Variants in PRKX observed in about 807,000 individuals in gnomAD.
PRKX encodes cAMP-dependent protein kinase catalytic subunit PRKX.
A neutral mutation model predicts 22.0 loss-of-function variants in PRKX; 12 were observed. The ratio of observed to expected loss-of-function variants is 0.54; its 90% CI spans 0.35 to 0.88. The LOEUF (loss-of-function observed/expected upper bound fraction) is 0.88. Among genes scored for constraint, PRKX ranks in the 40% least tolerant of loss-of-function variants. The pLI is 0.01. For synonymous variants in PRKX, 134 were observed against 137.7 expected, an observed-to-expected ratio of 0.97 and a Z score of 0.19; for missense variants, 217 against 308.0, an observed-to-expected ratio of 0.70 and a Z score of 2.21.
At chrX:3,630,369 G>T (rs1202459414) in intron 4 of PRKX, among the ~76,000 whole-genome samples, 3 of 110,993 alleles carry the variant, frequency 2.7e-5, no homozygotes, top group African/African-American at 9.8e-5. Context: ...GACCATCCTG[G>T]CTAACACAGT....
At chrX:3,710,810 C>A (rs767281662) in intron 1 of PRKX, among the ~76,000 whole-genome samples, 1 of 111,529 alleles carries the variant, frequency 9.0e-6, no homozygotes, top group South Asian at 3.7e-4. Context: ...GGAATGAGGG[C>A]GAAAGAGCAC....
At position 3,647,111 on chromosome X, in the gene PRKX, C is replaced by T. The variant is rs187033245; in HGVS notation, c.600-5140G>A. Among the ~76,000 whole-genome samples the T allele has an allele frequency of 6.6e-3, 725 of 109,659 alleles. 8 individuals are homozygous for T. The highest frequency in any genetic ancestry group is 0.023 in the African/African-American group (689 of 30,221). Reference sequence around the variant, plus strand: ...CTGGTGTTATGAAATATATATAAAACGATTATGTATTTATAAATGTATATG... The same window carrying T: ...CTGGTGTTATGAAATATATATAAAATGATTATGTATTTATAAATGTATATG... On this transcript the variant is annotated intron_variant, in intron 3 of 8. Transcript: ENST00000262848.
At chrX:3,677,338 T>C (rs1927983057) in intron 1 of PRKX, among the ~76,000 whole-genome samples, 1 of 105,297 alleles carries the variant, frequency 9.5e-6, no homozygotes, top group Admixed American at 1.0e-4. Flanking sequence ...TTTTTTTTTT[T>C]TTTTTTTTGA....
intron 1 of PRKX, among the ~76,000 whole-genome samples, chrX:3,683,478 G>C (rs6641843): frequency 0.13 from 14,283 of 109,439 alleles, 926 homozygotes; most frequent in East Asian, 0.36. Flanking sequence ...CCACAACGCA[G>C]AGCCGCCCCA....
intron 1 of PRKX, among the ~76,000 whole-genome samples, chrX:3,684,661 G>A (rs1188300508): frequency 1.8e-5 from 2 of 111,325 alleles, no homozygotes; most frequent in African/African-American, 6.5e-5. Context: ...TTCTCTCACA[G>A]TCCTGGAGGC....
intron 2 of PRKX, among the ~76,000 whole-genome samples, chrX:3,665,878 G>A (rs1381170526): frequency 9.4e-6 from 1 of 106,381 alleles, no homozygotes; most frequent in Non-Finnish European, 1.9e-5. Context: ...TGTTTCATGA[G>A]GACAGAGTTT....
chrX:3,618,609 A>C (rs1926488296), intron 6 of PRKX, among the ~76,000 whole-genome samples: 1 of 108,256 alleles, frequency 9.2e-6, no homozygotes, highest in Non-Finnish European at 1.9e-5. Context: ...TACCATTTTC[A>C]TGTGTTAATT....
intron 4 of PRKX, among the ~76,000 whole-genome samples, chrX:3,630,606 C>T (rs981899831): frequency 3.6e-5 from 4 of 111,732 alleles, no homozygotes; most frequent in Non-Finnish European, 3.8e-5. Flanking sequence ...CTCACAGTTC[C>T]GCATGGCTGG....
intron 8 of PRKX, chrX:3,610,983 T>C (rs1569228751): frequency 1.8e-5 from 2 of 111,770 alleles, no homozygotes; most frequent in Non-Finnish European, 3.8e-5. Flanking sequence ...CTGGATTTCA[T>C]GAGCGTTTAT....
chrX:3,678,030 G>A (rs1405280487), intron 1 of PRKX, among the ~76,000 whole-genome samples: 4 of 112,074 alleles, frequency 3.6e-5, no homozygotes, highest in Non-Finnish European at 7.5e-5. Context: ...CAGGAAGTGG[G>A]AGAAGGGCTT....
intron 4 of PRKX, among the ~76,000 whole-genome samples, chrX:3,630,550 A>T (rs988908679): frequency 1.8e-5 from 2 of 111,463 alleles, no homozygotes; most frequent in Non-Finnish European, 3.8e-5. Context: ...ACAGAGCAAG[A>T]CTCTGTCTCA....
At chrX:3,642,064 T>C in intron 3 of PRKX, 93 bp from the exon 4 acceptor site, 4 of 904,616 alleles carry the variant, frequency 4.4e-6, no homozygotes, top group South Asian at 4.5e-5. Context: ...AATAACTTCG[T>C]TGAGTAAAAC....
chrX:3,667,787 C>A (rs1927766209), intron 2 of PRKX: 2 of 111,004 alleles, frequency 1.8e-5, no homozygotes, highest in Admixed American at 9.8e-5. Context: ...CACCTCCTGG[C>A]TGAACTCAGA....
chrX:3,674,752 C>T lies in PRKX; in HGVS notation c.181G>A (p.Gly61Arg), dbSNP rs1232822524. Residue 61 changes from glycine (G) to arginine (R), a missense_variant, in exon 2 of 9, where the codon GGG becomes AGG. Coordinates refer to ENST00000262848, the MANE Select transcript of PRKX (RefSeq NM_005044.5). Reference protein sequence around the residue: ...TLATVGTGTFGRVHLVKEKTA... With the variant: ...TLATVGTGTFRRVHLVKEKTA... ...TTCTCCTTCACCAGGTGCACCCGCC[C>T]GAACGTCCCAGTGCCTGGAGAGAGA... The T allele has an allele frequency of 4.1e-6, 5 of 1,209,335 alleles. No homozygotes were observed. Among genetic ancestry groups the T allele is most frequent in the African/African-American group, 3.5e-5 (2 of 57,178 alleles).
Position 3,619,848 on chromosome X carries a change from C to T in PRKX, c.873+1411G>A, listed in dbSNP as rs1926518021. Among the ~76,000 whole-genome samples the T allele has an allele frequency of 2.7e-5, 3 of 111,360 alleles. No individual in the cohort carries two copies. In the Admixed American group the frequency reaches 2.9e-4, roughly 11 times the overall value. On this transcript the variant is annotated intron_variant, in intron 6 of 8. Transcript: ENST00000262848. ...GCCAAGTGGTTCAAGCCTCACACCC[C>T]GGTGTACTGTGTCTCTCCAGACTGT...
chrX:3,621,750 G>A (rs958694391), intron 5 of PRKX, among the ~76,000 whole-genome samples: 5 of 111,591 alleles, frequency 4.5e-5, no homozygotes, highest in Non-Finnish European at 7.5e-5. Context: ...TAAAAGGCTG[G>A]CTTTCCCATA....
intron 8 of PRKX, among the ~76,000 whole-genome samples, chrX:3,609,941 C>T (rs1276485385): frequency 4.5e-5 from 5 of 111,247 alleles, no homozygotes; most frequent in Non-Finnish European, 9.4e-5. Flanking sequence ...TCTTAAATTC[C>T]TCCTCCACAT....
intron 2 of PRKX, among the ~76,000 whole-genome samples, chrX:3,656,080 T>TTAA (rs1927475234): frequency 8.9e-6 from 1 of 111,952 alleles, no homozygotes; most frequent in Non-Finnish European, 1.9e-5. Flanking sequence ...TAGACAGATG[T>TTAA]TAATATGTAG....
chrX:3,612,485 A>C (rs1363423888), intron 7 of PRKX, among the ~76,000 whole-genome samples, 160 bp from the exon 8 acceptor site: 2 of 111,966 alleles, frequency 1.8e-5, no homozygotes, highest in Non-Finnish European at 3.8e-5. Context: ...GCAATCTTTG[A>C]ATTAAAATAT....
Sources: allele counts gnomAD v4.1 joint callset (sites outside exome capture counted in the v4.1 genomes callset), GRCh38; gene constraint gnomAD v4.1.1; transcripts MANE v1.5; gene names NCBI Gene and HGNC (gene_info 2026-07-23, HGNC 2026-07-21).